The following CACNA2D3 variants were observed in gnomAD, a reference collection of about 807,000 sequenced individuals.
CACNA2D3 encodes voltage-dependent calcium channel subunit alpha-2/delta-3.
CACNA2D3 carries 60 observed loss-of-function variants against 160.6 expected under a neutral mutation model. The ratio of observed to expected loss-of-function variants is 0.37; its 90% CI spans 0.30 to 0.46. The LOEUF is 0.46. Ranked by LOEUF, CACNA2D3 falls within the 20% of genes least tolerant of loss-of-function variation. The pLI, the probability that CACNA2D3 is intolerant of heterozygous loss-of-function variation, is 1.00. For synonymous variants in CACNA2D3, 558 were observed against 492.9 expected, an observed-to-expected ratio of 1.13 and a Z score of -1.75; for missense variants, 1,205 against 1,365.0, an observed-to-expected ratio of 0.88 and a Z score of 1.85.
At chr3:54,744,330 A>C (rs1158611571) in intron 11 of CACNA2D3, among the ~76,000 whole-genome samples, 1 of 152,254 alleles carries the variant, frequency 6.6e-6, no homozygotes, top group Non-Finnish European at 1.5e-5. Flanking sequence ...GAGATTTATA[A>C]GACAAGGGTT....
At chr3:54,466,800 G>T (rs1402875831) in intron 4 of CACNA2D3, among the ~76,000 whole-genome samples, 2 of 152,166 alleles carry the variant, frequency 1.3e-5, no homozygotes, top group East Asian at 1.9e-4. Context: ...AGAAAAGTGG[G>T]TGTCCTTCAA....
Position 54,291,483 on chromosome 3 carries a change from C to A in CACNA2D3, c.205-28959C>A, listed in dbSNP as rs181949629. ...AAAGCGCAAATCACAGTTCATAGAA[C>A]CTCTTGTCATTTTTGCTGTTGATGT... is the stretch of plus-strand genomic sequence containing the variant. On this transcript the variant is annotated intron_variant, in intron 2 of 37. Transcript: ENST00000474759. 5.9e-5 allele frequency among the ~76,000 whole-genome samples: 9 copies of A among 152,218 alleles called. 1 individual carries two copies. The South Asian group carries it at 1.7e-3, about 28-fold the overall frequency.
chr3:54,831,059 C>T (rs1285787231), intron 14 of CACNA2D3, among the ~76,000 whole-genome samples: 1 of 152,152 alleles, frequency 6.6e-6, no homozygotes, highest in Non-Finnish European at 1.5e-5. Flanking sequence ...AATAATAAAG[C>T]AACACAAATG....
intron 2 of CACNA2D3, among the ~76,000 whole-genome samples, chr3:54,222,048 C>T (rs939422618): frequency 6.6e-6 from 1 of 152,072 alleles, no homozygotes; most frequent in African/African-American, 2.4e-5. Context: ...GTTGAACCCA[C>T]GGATGCAGAA....
chr3:54,771,592 G>A (rs1173079993), intron 13 of CACNA2D3, among the ~76,000 whole-genome samples: 1 of 152,202 alleles, frequency 6.6e-6, no homozygotes, highest in Non-Finnish European at 1.5e-5. Context: ...TCCTTGCCAT[G>A]TGGCCCCTGT....
At chr3:54,821,775 G>T (rs578061521) in intron 14 of CACNA2D3, among the ~76,000 whole-genome samples, 104 of 145,712 alleles carry the variant, frequency 7.1e-4, no homozygotes, top group Non-Finnish European at 1.1e-3. Context: ...GTACAAATTT[G>T]TACAAGTAGA....
chr3:54,149,908 T>C lies in CACNA2D3; in HGVS notation c.204+26314T>C, dbSNP rs900644817. Among the ~76,000 whole-genome samples, 634 of 90,738 alleles carry C rather than the reference T, an allele frequency of 7.0e-3. 3 individuals carry two copies. The highest frequency in any genetic ancestry group is 0.012 in the Non-Finnish European group (522 of 43,840). The allele number at this position is 90,738 out of a possible 152,430, so 59.5% of individuals were successfully genotyped here. A position where few individuals can be genotyped will look rare whatever the true frequency, so the allele number is the denominator to read the frequency against. The stretch of plus-strand genomic sequence containing the variant: ...GTCTCTCTCTCTCTCTCTCTCTCTC[T>C]CTCTCTCTCTCTCTCTCTCTCTCCC... On this transcript the variant is annotated intron_variant, in intron 2 of 37. Coordinates refer to ENST00000474759, the MANE Select transcript of CACNA2D3 (RefSeq NM_018398.3).
At chr3:54,717,537 GGTGTGCATGTGTGGTGT>G (rs1266367907) in intron 11 of CACNA2D3, among the ~76,000 whole-genome samples, 4 of 143,716 alleles carry the variant, frequency 2.8e-5, no homozygotes, top group Non-Finnish European at 4.5e-5. Flanking sequence ...GTGTGTGTGT[GGTGTGCATGTGTGGTGT>G]GTGTGTGTGT....
chr3:54,879,242 A>G, intron 19 of CACNA2D3, 108 bp from the exon 20 acceptor site: 1 of 908,170 alleles, frequency 1.1e-6, no homozygotes, highest in Non-Finnish European at 1.7e-6. Context: ...TAGTACTGTT[A>G]ACCTGATCAT....
chr3:54,507,805 C>T (rs1044968938), intron 5 of CACNA2D3, among the ~76,000 whole-genome samples: 3 of 152,214 alleles, frequency 2.0e-5, no homozygotes, highest in African/African-American at 4.8e-5. Context: ...CCTACTCTCA[C>T]ATCTGTAACT....
At chr3:54,182,792 G>C (rs1051735419) in intron 2 of CACNA2D3, among the ~76,000 whole-genome samples, 9 of 152,106 alleles carry the variant, frequency 5.9e-5, no homozygotes, top group Admixed American at 4.6e-4. Flanking sequence ...TCATGCCACA[G>C]GCTGGAAAAT....
At chr3:54,821,535 CCT>C (rs1227748446) in intron 14 of CACNA2D3, among the ~76,000 whole-genome samples, 6 of 152,068 alleles carry the variant, frequency 3.9e-5, no homozygotes, top group South Asian at 2.1e-4. Context: ...AATTTCTCCC[CCT>C]GAGTGCAAAC....
chr3:54,359,789 A>G (rs1332242115), intron 3 of CACNA2D3, among the ~76,000 whole-genome samples: 1 of 152,076 alleles, frequency 6.6e-6, no homozygotes, highest in Non-Finnish European at 1.5e-5. Flanking sequence ...TAGTATATAT[A>G]CCTTTTGTTT....
intron 2 of CACNA2D3, among the ~76,000 whole-genome samples, chr3:54,149,644 A>G (rs1700102199): frequency 6.6e-6 from 1 of 152,138 alleles, no homozygotes. Context: ...CAGGGCCTTC[A>G]GTGGCTGGGT....
At chr3:54,226,799 C>T (rs1395217876) in intron 2 of CACNA2D3, among the ~76,000 whole-genome samples, 1 of 152,152 alleles carries the variant, frequency 6.6e-6, no homozygotes, top group Non-Finnish European at 1.5e-5. Context: ...ATGTTGAGTT[C>T]ACCTCAGGAA....
chr3:54,163,608 G>C (rs777380511), intron 2 of CACNA2D3, among the ~76,000 whole-genome samples: 2 of 152,144 alleles, frequency 1.3e-5, no homozygotes, highest in Non-Finnish European at 2.9e-5. Flanking sequence ...TCTCTCACAG[G>C]GAGGGGTAGA....
chr3:54,195,226 T>C (rs527595456), intron 2 of CACNA2D3, among the ~76,000 whole-genome samples: 2 of 152,328 alleles, frequency 1.3e-5, no homozygotes, highest in African/African-American at 4.8e-5. Context: ...TTCTGATGCA[T>C]GTGATCTGGA....
chr3:54,717,699 TGTG>T (rs1471150808), intron 11 of CACNA2D3, among the ~76,000 whole-genome samples: 1 of 147,878 alleles, frequency 6.8e-6, no homozygotes, highest in African/African-American at 2.5e-5. Flanking sequence ...CGTGCGTGTG[TGTG>T]GTGTGTGCAT....
chr3:54,267,524 C>G (rs187981611), intron 2 of CACNA2D3, among the ~76,000 whole-genome samples: 52 of 152,328 alleles, frequency 3.4e-4, no homozygotes, highest in Non-Finnish European at 4.7e-4. Context: ...CCCAGTACTT[C>G]ATCTTTTTAA....
Sources: allele counts gnomAD v4.1 joint callset (sites outside exome capture counted in the v4.1 genomes callset), GRCh38; gene constraint gnomAD v4.1.1; transcripts MANE v1.5; gene names NCBI Gene and HGNC (gene_info 2026-07-23, HGNC 2026-07-21).